CAMTA1: variants seen among roughly 807,000 people sequenced by gnomAD.
CAMTA1 encodes calmodulin-binding transcription activator 1.
In CAMTA1, 27 loss-of-function variants were observed where a neutral mutation model predicts 170.9. That is an observed-to-expected ratio of 0.16 (90% confidence interval 0.12 to 0.22). CAMTA1 has a LOEUF of 0.22. Ranked by LOEUF, CAMTA1 falls within the 10% of genes least tolerant of loss-of-function variation. CAMTA1 has a pLI of 1.00. For synonymous variants in CAMTA1, 833 were observed against 891.5 expected (o/e 0.93, Z 1.17); for missense variants, 1,619 against 2,217.2 (o/e 0.73, Z 5.42).
chr1:6,924,326 G>A (rs1682648151), intron 3 of CAMTA1, among the ~76,000 whole-genome samples: 1 of 124,146 alleles, frequency 8.1e-6, no homozygotes, highest in African/African-American at 2.6e-5. Context: ...GATCAGGCCA[G>A]CTGGGAGGGG....
chr1:7,031,309 A>G (rs1243282369), intron 3 of CAMTA1, among the ~76,000 whole-genome samples: 1 of 152,034 alleles, frequency 6.6e-6, no homozygotes, highest in Non-Finnish European at 1.5e-5. Flanking sequence ...ACTTCTCTAT[A>G]ATTAACTTCT....
rs116860388 is a variant in CAMTA1 at position 6,884,361 on chromosome 1, A to G, written c.234+59151A>G. Among the ~76,000 whole-genome samples, 8 of 151,406 alleles carry G rather than the reference A, an allele frequency of 5.3e-5. No homozygotes were observed. In the East Asian group the frequency reaches 1.4e-3, roughly 26 times the overall value. On this transcript the variant is annotated intron_variant, in intron 3 of 22. Coordinates refer to ENST00000303635, the MANE Select transcript of CAMTA1 (RefSeq NM_015215.4). Reference sequence around the variant, plus strand: ...AATTTTGTTTGGCTTTGATCCACACAATGTGTTTTTAAAGATGAATAAAAA... The same window carrying G: ...AATTTTGTTTGGCTTTGATCCACACGATGTGTTTTTAAAGATGAATAAAAA...
chr1:6,940,377 C>T lies in CAMTA1; in HGVS notation c.234+115167C>T, dbSNP rs148975458. 3.8e-3 allele frequency among the ~76,000 whole-genome samples: 574 copies of T among 152,340 alleles called. 2 individuals are homozygous for T. Among genetic ancestry groups the T allele is most frequent in the Middle Eastern group, 0.014 (4 of 294 alleles). On this transcript the variant is annotated intron_variant, in intron 3 of 22. Coordinates refer to ENST00000303635, the MANE Select transcript of CAMTA1 (RefSeq NM_015215.4). ...GGCAGGCAGAGAGAGGGTTCTGCTTCCCCTCACCTTTCTGCTCTACTCAGA... is the reference window on the plus strand; with the variant it reads ...GGCAGGCAGAGAGAGGGTTCTGCTTTCCCTCACCTTTCTGCTCTACTCAGA...
At chr1:7,252,809 C>T (rs1048005832) in intron 5 of CAMTA1, among the ~76,000 whole-genome samples, 4 of 152,144 alleles carry the variant, frequency 2.6e-5, no homozygotes, top group African/African-American at 7.2e-5. Context: ...TTGGATCTAC[C>T]GTTTAATATA....
intron 5 of CAMTA1, among the ~76,000 whole-genome samples, chr1:7,349,790 G>C (rs576891840): frequency 1.3e-5 from 2 of 152,314 alleles, no homozygotes; most frequent in African/African-American, 2.4e-5. Context: ...CTGGGGCTTA[G>C]AACTTTGACA....
intron 4 of CAMTA1, among the ~76,000 whole-genome samples, chr1:7,232,129 C>A (rs142059033): frequency 1.8e-3 from 273 of 152,350 alleles, no homozygotes; most frequent in African/African-American, 6.4e-3. Flanking sequence ...GGCAGAGGTG[C>A]CTTCCTGATC....
intron 6 of CAMTA1, among the ~76,000 whole-genome samples, chr1:7,575,724 G>A (rs910754433): frequency 1.3e-5 from 2 of 152,048 alleles, no homozygotes; most frequent in African/African-American, 4.8e-5. Flanking sequence ...TCTGGCCCAG[G>A]TGTAGGCAGG....
At chr1:6,888,963 T>TA (rs1673935873) in intron 3 of CAMTA1, among the ~76,000 whole-genome samples, 1 of 152,224 alleles carries the variant, frequency 6.6e-6, no homozygotes, top group Non-Finnish European at 1.5e-5. Flanking sequence ...TCTTTTTAGG[T>TA]ATAGCTTATT....
chr1:7,505,283 G>T (rs930144573), intron 6 of CAMTA1, among the ~76,000 whole-genome samples: 2 of 152,182 alleles, frequency 1.3e-5, no homozygotes, highest in African/African-American at 4.8e-5. Context: ...CCACATCCCC[G>T]GCAGCCAAGT....
intron 3 of CAMTA1, among the ~76,000 whole-genome samples, chr1:6,992,156 A>C (rs1696487260): frequency 6.6e-6 from 1 of 152,120 alleles, no homozygotes; most frequent in African/African-American, 2.4e-5. Flanking sequence ...TGCAGCCCTG[A>C]CACCTGGGGC....
intron 5 of CAMTA1, among the ~76,000 whole-genome samples, chr1:7,320,408 G>A (rs1224610923): frequency 1.3e-5 from 2 of 152,192 alleles, no homozygotes; most frequent in Non-Finnish European, 2.9e-5. Flanking sequence ...TTGGCCATAT[G>A]CTATGTATCT....
chr1:6,788,366 AAGG>A (rs755305658), intron 1 of CAMTA1, among the ~76,000 whole-genome samples: 1 of 152,150 alleles, frequency 6.6e-6, no homozygotes, highest in African/African-American at 2.4e-5. Context: ...TTTACTGTGT[AAGG>A]AGAAGTGGCT....
rs140526961 is a variant in CAMTA1, at chr1:7,615,552, G to A, written c.511-24848G>A. ...ATAGTGCATGTCAAGGGTACAGCAC[G>A]CTTCTTGATGCAAAGCCAATGCTCA... On this transcript the variant is annotated intron_variant, in intron 6 of 22. Transcript: ENST00000303635. Among the ~76,000 whole-genome samples, 518 of 152,340 alleles carry A rather than the reference G, an allele frequency of 3.4e-3. 2 individuals are homozygous for A. Among genetic ancestry groups the A allele is most frequent in the Non-Finnish European group, 4.8e-3 (324 of 68,026 alleles).
chr1:7,292,744 C>G (rs1218507114), intron 5 of CAMTA1, among the ~76,000 whole-genome samples: 1 of 152,212 alleles, frequency 6.6e-6, no homozygotes, highest in East Asian at 1.9e-4. Context: ...CGTTTCTGCA[C>G]TCCTCTGCAC....
chr1:7,188,578 G>A (rs775396411), intron 4 of CAMTA1, among the ~76,000 whole-genome samples: 2 of 152,164 alleles, frequency 1.3e-5, no homozygotes, highest in Non-Finnish European at 2.9e-5. Flanking sequence ...TTGTCCTTTT[G>A]TGGCAGACAT....
intron 6 of CAMTA1, among the ~76,000 whole-genome samples, chr1:7,480,268 TGA>T (rs1174679749): frequency 6.6e-6 from 1 of 151,694 alleles, no homozygotes; most frequent in Non-Finnish European, 1.5e-5. Flanking sequence ...TGTATGTGTG[TGA>T]GTGCATCTGT....
At chr1:7,226,534 C>A (rs1661722158) in intron 4 of CAMTA1, among the ~76,000 whole-genome samples, 1 of 152,152 alleles carries the variant, frequency 6.6e-6, no homozygotes, top group Admixed American at 6.5e-5. Context: ...AAAAAGCAAC[C>A]AACTTCACAA....
At chr1:7,266,236 G>C (rs1040989720) in intron 5 of CAMTA1, among the ~76,000 whole-genome samples, 1 of 152,182 alleles carries the variant, frequency 6.6e-6, no homozygotes, top group East Asian at 1.9e-4. Flanking sequence ...GTTCAGTTGC[G>C]GCCAGACCTA....
chr1:6,968,936 G>A (rs1451235096), intron 3 of CAMTA1, among the ~76,000 whole-genome samples: 1 of 152,160 alleles, frequency 6.6e-6, no homozygotes, highest in Non-Finnish European at 1.5e-5. Flanking sequence ...GAGGTGGGCT[G>A]CAGAGGCACG....
Sources: gnomAD v4.1 joint callset for allele counts (sites outside exome capture counted in the v4.1 genomes callset) on GRCh38, gnomAD v4.1.1 for gene constraint, MANE v1.5 for transcripts, NCBI Gene and HGNC (gene_info 2026-07-23, HGNC 2026-07-21) for gene names.